PCDH11X: variants seen among roughly 807,000 people sequenced by gnomAD.
The protein encoded by PCDH11X is protocadherin-11 X-linked.
A neutral mutation model predicts 53.3 loss-of-function variants in PCDH11X; 18 were observed. That is an observed-to-expected ratio of 0.34 (90% CI 0.23 to 0.50). The LOEUF is 0.50. Among genes scored for constraint, PCDH11X ranks in the 20% least tolerant of loss-of-function variants. The pLI is 0.98. For missense variants in PCDH11X, 570 were observed against 1,032.4 expected (o/e 0.55, Z 6.14); for synonymous variants, 279 against 393.3 (o/e 0.71, Z 3.44).
chrX:92,601,488 G>T (rs2148808101), intron 10 of PCDH11X, among the ~76,000 whole-genome samples: 1 of 90,908 alleles, frequency 1.1e-5, no homozygotes, highest in East Asian at 3.2e-4. Context: ...AAGGAAAATG[G>T]TATGGTGATT....
intron 8 of PCDH11X, among the ~76,000 whole-genome samples, chrX:92,278,339 C>T (rs922128440): frequency 1.2e-4 from 13 of 111,669 alleles, no homozygotes; most frequent in African/African-American, 3.3e-4. Context: ...GGAGGTCCCC[C>T]GATCTGAGTC....
chrX:92,371,917 G>A (rs2070633409), intron 8 of PCDH11X, among the ~76,000 whole-genome samples: 1 of 111,428 alleles, frequency 9.0e-6, no homozygotes. Context: ...AGCTATGAAT[G>A]AAATTAGCAT....
At chrX:92,474,948 G>A (rs1192468289) in intron 10 of PCDH11X, among the ~76,000 whole-genome samples, 2 of 105,940 alleles carry the variant, frequency 1.9e-5, no homozygotes, top group South Asian at 4.3e-4. Context: ...GGTGGATCAC[G>A]AGGTCAGGAG....
chrX:92,089,812 C>T (rs1402119272), intron 6 of PCDH11X, among the ~76,000 whole-genome samples: 1 of 109,631 alleles, frequency 9.1e-6, no homozygotes, highest in African/African-American at 3.3e-5. Flanking sequence ...CATGAGCCAT[C>T]GTGCCTGGCA....
chrX:92,118,772 T>A (rs1428233974), intron 6 of PCDH11X, among the ~76,000 whole-genome samples: 2 of 89,246 alleles, frequency 2.2e-5, no homozygotes, highest in Non-Finnish European at 4.3e-5. Flanking sequence ...GACGGAGTCT[T>A]GCTCTGTCAC....
At chrX:92,303,551 A>G (rs1219778034) in intron 8 of PCDH11X, among the ~76,000 whole-genome samples, 1 of 111,283 alleles carries the variant, frequency 9.0e-6, no homozygotes, top group Non-Finnish European at 1.9e-5. Context: ...TTAAAGAAAC[A>G]CTATCTGACA....
intron 1 of PCDH11X, among the ~76,000 whole-genome samples, chrX:91,807,887 T>A (rs1456645320): frequency 9.2e-6 from 1 of 108,194 alleles, no homozygotes; most frequent in East Asian, 2.9e-4. Flanking sequence ...GCTCTGTCGA[T>A]CCAGGGATGA....
chrX:92,035,415 A>G lies in PCDH11X; in HGVS notation c.3033+156142A>G, dbSNP rs551872390. On this transcript the variant is annotated intron_variant, in intron 6 of 10. Transcript: ENST00000682573. ...AAGGATATTTTTGCCAATTTTTGCT[A>G]TTATCTGGTAAAAGTTTTTTCCTTC... Among the ~76,000 whole-genome samples, 51 of 109,675 alleles carry G rather than the reference A, an allele frequency of 4.7e-4. 1 individual carries two copies. In the South Asian group the frequency reaches 0.02, roughly 42 times the overall value.
chrX:92,452,493 A>C (rs1229855608), intron 9 of PCDH11X, among the ~76,000 whole-genome samples: 1 of 47,594 alleles, frequency 2.1e-5, no homozygotes, highest in African/African-American at 1.7e-4. Context: ...ATATATATAT[A>C]TATATGTTTT....
chrX:92,550,721 C>A (rs1195449272), intron 10 of PCDH11X, among the ~76,000 whole-genome samples: 1 of 109,798 alleles, frequency 9.1e-6, no homozygotes, highest in African/African-American at 3.3e-5. Flanking sequence ...CCATCCCCAT[C>A]TAAATCCCAC....
intron 8 of PCDH11X, among the ~76,000 whole-genome samples, chrX:92,288,685 A>C (rs1445423328): frequency 1.8e-5 from 2 of 111,643 alleles, no homozygotes; most frequent in Non-Finnish European, 3.8e-5. Flanking sequence ...ATGGAAAAAT[A>C]AAAATCAGAG....
At chrX:92,291,202 G>A (rs892757555) in intron 8 of PCDH11X, among the ~76,000 whole-genome samples, 14 of 104,825 alleles carry the variant, frequency 1.3e-4, no homozygotes, top group East Asian at 3.0e-4. Context: ...GAGCCACTTC[G>A]CCCAGCCCAG....
At chrX:92,121,063 AAATT>A (rs1432860308) in intron 6 of PCDH11X, among the ~76,000 whole-genome samples, 7 of 111,747 alleles carry the variant, frequency 6.3e-5, no homozygotes, top group East Asian at 5.6e-4. Context: ...ATTTTTATGA[AAATT>A]AATTATGAGT....
chrX:92,063,071 T>G (rs1480839112), intron 6 of PCDH11X, among the ~76,000 whole-genome samples: 1 of 109,426 alleles, frequency 9.1e-6, no homozygotes, highest in Non-Finnish European at 1.9e-5. Flanking sequence ...AAACCATCAT[T>G]CTCAGCAAAC....
rs548618958 is a variant in PCDH11X at position 92,134,356 on chromosome X, T to G, written c.3034-67019T>G. On this transcript the variant is annotated intron_variant, in intron 6 of 10. Coordinates refer to ENST00000682573, the MANE Select transcript of PCDH11X (RefSeq NM_032968.5). ...TGGGAGGCAGGTTTGCCTGATGCAG[T>G]TCCCAGCTTGACATTTCTTTTTACC... Among the ~76,000 whole-genome samples the G allele has an allele frequency of 3.2e-4, 36 of 111,465 alleles. No individual in the cohort carries two copies. The South Asian group carries it at 0.014, about 43-fold the overall frequency.
intron 6 of PCDH11X, among the ~76,000 whole-genome samples, chrX:92,007,760 C>G: frequency 8.9e-6 from 1 of 112,160 alleles, no homozygotes; most frequent in African/African-American, 3.2e-5. Flanking sequence ...CTGAGCCTCA[C>G]CTGGAGCCAG....
chrX:91,817,110 GA>G (rs1936479355), intron 4 of PCDH11X, among the ~76,000 whole-genome samples: 1 of 111,141 alleles, frequency 9.0e-6, no homozygotes, highest in South Asian at 3.8e-4. Context: ...TTATGTCTCA[GA>G]TACAGTACAT....
At chrX:92,484,358 T>C (rs767659234) in intron 10 of PCDH11X, among the ~76,000 whole-genome samples, 22 of 103,542 alleles carry the variant, frequency 2.1e-4, no homozygotes, top group African/African-American at 5.9e-4. Context: ...TTTTAGTTCT[T>C]TAAGACATCT....
chrX:91,879,161 C>T lies in PCDH11X; in HGVS notation c.2921C>T (p.Ala974Val). The change falls in exon 6 of 11, where the codon GCC (alanine) becomes GTC (valine). Residue 974 changes from alanine to valine, a missense_variant. Ala to Val is a moderately conservative substitution (Grantham distance 64). Around this residue, in one of 6 missense-constraint regions of PCDH11X, gnomAD observed 234 missense variants for 296.1 expected, o/e 0.79. Transcript: ENST00000682573. ...CTGCCTCTCGATAACACCTTTGTGG[C>T]CTGTGACTCTATCTCCAAGTGTTCC... The part of the protein sequence containing the change: ...QELPLDNTFV[A>V]CDSISKCSSS... 8.3e-7 allele frequency: 1 copy of T among 1,211,532 alleles called. No individual in the cohort carries two copies. Among genetic ancestry groups the T allele is most frequent in the African/African-American group, 1.7e-5 (1 of 57,735 alleles).
Sources: gnomAD v4.1 joint callset for allele counts (sites outside exome capture counted in the v4.1 genomes callset) on GRCh38, gnomAD v4.1.1 for gene constraint, gnomAD v4.1.1 regional missense constraint, MANE v1.5 for transcripts, NCBI Gene and HGNC (gene_info 2026-07-23, HGNC 2026-07-21) for gene names.